Variants in SLC2A9 observed in about 807,000 individuals in gnomAD.
SLC2A9 encodes solute carrier family 2 member 9, also known as solute carrier family 2, facilitated glucose transporter member 9.
A neutral mutation model predicts 50.6 loss-of-function variants in SLC2A9; 39 were observed. The observed-to-expected ratio is 0.77, with a 90% CI of 0.60 to 1.01. SLC2A9 has a LOEUF of 1.01. Ranked by LOEUF, SLC2A9 falls within the 50% of genes least tolerant of loss-of-function variation. The probability of loss-of-function intolerance (pLI) is 0.00; values close to 1 mark genes in which losing one functional copy is unlikely to be tolerated. For missense variants in SLC2A9, 686 were observed against 677.6 expected (o/e 1.01, Z -0.14); for synonymous variants, 324 against 276.9 (o/e 1.17, Z -1.69).
intron 3 of SLC2A9, among the ~76,000 whole-genome samples, chr4:9,785,262 G>A (rs986480744): frequency 1.3e-5 from 2 of 152,184 alleles, no homozygotes; most frequent in Non-Finnish European, 2.9e-5. Flanking sequence ...ACCCAATTGT[G>A]CTTTGTGATG....
At chr4:9,893,530 G>C (rs1273718292) in intron 8 of SLC2A9, among the ~76,000 whole-genome samples, 2 of 146,176 alleles carry the variant, frequency 1.4e-5, no homozygotes, top group Non-Finnish European at 3.0e-5. Context: ...TTCTGAGAAA[G>C]AGAGATAGGG....
downstream of SLC2A9, among the ~76,000 whole-genome samples, chr4:9,825,409 C>T (rs115947204): frequency 1.3e-5 from 2 of 152,278 alleles, no homozygotes; most frequent in African/African-American, 4.8e-5. Flanking sequence ...TGGTGAACTC[C>T]CCATTTTTCA....
intron 3 of SLC2A9, among the ~76,000 whole-genome samples, chr4:9,812,033 T>C (rs1048228869): frequency 6.6e-6 from 1 of 152,222 alleles, no homozygotes; most frequent in Non-Finnish European, 1.5e-5. Flanking sequence ...CCTTCTTTTA[T>C]GTTAAAGCCA....
At chr4:9,961,183 T>C (rs527412289) in intron 5 of SLC2A9, among the ~76,000 whole-genome samples, 74 of 152,310 alleles carry the variant, frequency 4.9e-4, no homozygotes, top group Non-Finnish European at 8.8e-4. Context: ...CGTCATGCTA[T>C]GCCCCTTCCC....
chr4:9,913,609 C>T (rs1376341399), intron 7 of SLC2A9, among the ~76,000 whole-genome samples: 2 of 152,146 alleles, frequency 1.3e-5, no homozygotes, highest in Non-Finnish European at 2.9e-5. Context: ...GGGAACATAC[C>T]TCCCTCTCAA....
At chr4:9,880,059 A>G (rs1734941697) in intron 10 of SLC2A9, 11 of 985,370 alleles carry the variant, frequency 1.1e-5, no homozygotes, top group Non-Finnish European at 1.3e-5. Flanking sequence ...CAGGCCCATG[A>G]GTCTCTCTGC....
chr4:9,811,181 G>A (rs892227578), intron 3 of SLC2A9, among the ~76,000 whole-genome samples: 4 of 152,152 alleles, frequency 2.6e-5, no homozygotes, highest in African/African-American at 4.8e-5. Flanking sequence ...ACAAATCTTC[G>A]TGAGATTGAA....
intron 1 of SLC2A9, among the ~76,000 whole-genome samples, chr4:10,036,862 G>T (rs1764123234): frequency 6.6e-6 from 1 of 152,194 alleles, no homozygotes; most frequent in Admixed American, 6.5e-5. Context: ...GTTCCAAAAA[G>T]GATTCTAGTC....
chr4:9,935,674 A>G (rs1746936835), intron 6 of SLC2A9, among the ~76,000 whole-genome samples: 1 of 152,204 alleles, frequency 6.6e-6, no homozygotes, highest in South Asian at 2.1e-4. Context: ...ATTGCTGTCC[A>G]AGAAGTCATT....
chr4:9,817,707 C>T (rs995878248), intron 3 of SLC2A9, among the ~76,000 whole-genome samples: 2 of 152,208 alleles, frequency 1.3e-5, no homozygotes, highest in Admixed American at 1.3e-4. Context: ...TCCTAACTCT[C>T]CATGCAACTC....
downstream of SLC2A9, chr4:9,798,822 C>T (rs942869244): frequency 1.3e-5 from 2 of 152,168 alleles, no homozygotes; most frequent in African/African-American, 4.8e-5. Flanking sequence ...TGATGTTGAG[C>T]TACTTGCTTA....
intron 11 of SLC2A9, among the ~76,000 whole-genome samples, chr4:9,827,565 C>CTTAA (rs1048506009): frequency 9.9e-5 from 15 of 152,194 alleles, no homozygotes; most frequent in African/African-American, 3.6e-4. Context: ...TGGCAAAGTG[C>CTTAA]TTAAGCTTGA....
chr4:9,847,611 A>G (rs1184794391), intron 10 of SLC2A9, among the ~76,000 whole-genome samples: 1 of 152,212 alleles, frequency 6.6e-6, no homozygotes, highest in East Asian at 1.9e-4. Context: ...TGGGGCATCA[A>G]TGGTGGCAGA....
intron 3 of SLC2A9, chr4:9,783,322 G>C: frequency 1.9e-6 from 3 of 1,614,240 alleles, no homozygotes; most frequent in Non-Finnish European, 1.7e-6. Context: ...ACGAGGAGGA[G>C]GGTCCTTTCG....
chr4:9,836,202 T>C (rs1727078839), intron 10 of SLC2A9, among the ~76,000 whole-genome samples: 1 of 150,420 alleles, frequency 6.6e-6, no homozygotes, highest in African/African-American at 2.5e-5. Flanking sequence ...GGTGAATGTA[T>C]ACTGCTTGGG....
At chr4:9,895,381 T>C (rs1738344756) in intron 8 of SLC2A9, among the ~76,000 whole-genome samples, 1 of 152,242 alleles carries the variant, frequency 6.6e-6, no homozygotes, top group Non-Finnish European at 1.5e-5. Flanking sequence ...CTCCTTTAAG[T>C]CCAGTTAAAG....
intron 3 of SLC2A9, among the ~76,000 whole-genome samples, chr4:9,806,638 A>G (rs553664198): frequency 6.6e-6 from 1 of 152,206 alleles, no homozygotes; most frequent in Admixed American, 6.5e-5. Flanking sequence ...GGCACTGGAG[A>G]AGGAGCCCTC....
chr4:9,974,775 A>G (rs1435831548), intron 5 of SLC2A9, among the ~76,000 whole-genome samples: 1 of 152,190 alleles, frequency 6.6e-6, no homozygotes, highest in African/African-American at 2.4e-5. Flanking sequence ...TATAAAACCA[A>G]AAAAGAGCCC....
At chr4:9,796,571 T>C (rs932359754), downstream of SLC2A9, among the ~76,000 whole-genome samples, 95 of 152,244 alleles carry the variant, frequency 6.2e-4, no homozygotes, top group African/African-American at 2.2e-3. Context: ...ATTAACTTTA[T>C]ACAATGTATT....
Sources: allele counts gnomAD v4.1 joint callset (sites outside exome capture counted in the v4.1 genomes callset), GRCh38; gene constraint gnomAD v4.1.1; transcripts MANE v1.5; gene names NCBI Gene and HGNC (gene_info 2026-07-23, HGNC 2026-07-21).